RAD51AP2: variants seen among roughly 807,000 people sequenced by gnomAD.
The protein encoded by RAD51AP2 is RAD51 associated protein 2.
RAD51AP2 carries 67 observed loss-of-function variants against 85.5 expected under a neutral mutation model. The observed-to-expected ratio is 0.78, with a 90% CI of 0.64 to 0.96. The LOEUF is 0.96. Among genes scored for constraint, RAD51AP2 ranks in the 40% least tolerant of loss-of-function variants. The probability of loss-of-function intolerance (pLI) is 0.00; values close to 1 mark genes in which losing one functional copy is unlikely to be tolerated. For synonymous variants in RAD51AP2, 474 were observed against 446.5 expected, an observed-to-expected ratio of 1.06 and a Z score of -0.78; for missense variants, 1,307 against 1,332.4, an observed-to-expected ratio of 0.98 and a Z score of 0.30.
upstream of RAD51AP2, among the ~76,000 whole-genome samples, chr2:17,523,423 T>C (rs970026224): frequency 5.3e-5 from 8 of 151,762 alleles, no homozygotes; most frequent in Non-Finnish European, 1.2e-4. Flanking sequence ...AGATCAGAGC[T>C]TTTTTTTCTA....
the RAD51AP2 span, among the ~76,000 whole-genome samples, chr2:17,526,728 T>C: frequency 1.8e-3 from 269 of 152,192 alleles, no homozygotes; most frequent in East Asian, 1.7e-3. Flanking sequence ...TGTAGCATCA[T>C]TCACCACTAA....
chr2:17,521,637 TA>T (rs1211501406), upstream of RAD51AP2, among the ~76,000 whole-genome samples: 1 of 151,988 alleles, frequency 6.6e-6, no homozygotes, highest in Non-Finnish European at 1.5e-5. Context: ...TGATAAGCAC[TA>T]GGGGAAAATA....
At chr2:17,537,777 T>A in the RAD51AP2 span, among the ~76,000 whole-genome samples, 1 of 152,306 alleles carries the variant, frequency 6.6e-6, no homozygotes, top group African/African-American at 2.4e-5. Flanking sequence ...TGGTATTGTT[T>A]GTTTGTTTGA....
Position 17,517,720 on chromosome 2 carries a change from T to G in RAD51AP2, c.696A>C (p.Leu232=). The change falls in exon 1 of 3, where the codon CTA becomes CTC. Residue 232 remains leucine, a synonymous_variant. Coordinates refer to ENST00000399080, the MANE Select transcript of RAD51AP2 (RefSeq NM_001099218.3). ...GCTGGTTTTGAGATTTTGATATTTT[T>G]AGTACAGATGATGAAATGTTATTTT... is the stretch of plus-strand genomic sequence containing the variant. ...KRENNISSSV[L]KISKSQNQPS... 6.2e-7 allele frequency: 1 copy of G among 1,613,624 alleles called. No individual in the cohort carries two copies. The highest frequency in any genetic ancestry group is 8.5e-7 in the Non-Finnish European group (1 of 1,179,898).
At chr2:17,528,571 G>A in the RAD51AP2 span, among the ~76,000 whole-genome samples, 334 of 152,214 alleles carry the variant, frequency 2.2e-3, 3 homozygotes, top group African/African-American at 5.9e-3. Flanking sequence ...AGATAGGCAC[G>A]GTGGTTCACG....
chr2:17,519,520 C>T (rs1436934152), upstream of RAD51AP2, among the ~76,000 whole-genome samples: 2 of 152,076 alleles, frequency 1.3e-5, no homozygotes, highest in Non-Finnish European at 2.9e-5. Flanking sequence ...AACCAGAATC[C>T]TAACTTCAGA....
At chr2:17,533,552 C>T in the RAD51AP2 span, among the ~76,000 whole-genome samples, 51 of 152,282 alleles carry the variant, frequency 3.3e-4, 1 homozygote, top group Non-Finnish European at 6.2e-4. Context: ...AAAAACTTTT[C>T]TTCCAATTCT....
rs763383317 is a variant in RAD51AP2, at chr2:17,516,832, A to G, written c.1584T>C (p.Ser528=). 6.5e-7 allele frequency: 1 copy of G among 1,545,626 alleles called. No homozygotes were observed. The highest frequency in any genetic ancestry group is 2.3e-5 in the East Asian group (1 of 43,378). Residue 528 remains serine, a synonymous_variant, in exon 1 of 3, where the codon AGT becomes AGC. Coordinates refer to ENST00000399080, the MANE Select transcript of RAD51AP2 (RefSeq NM_001099218.3). The part of the protein sequence containing the change: ...KSISGNKKDN[S]ILTCCNILKC... ...TCAAAATGTTACAGCAGGTTAAAAT[A>G]CTATTATCTTTTTTATTTCCTGAAA...
upstream of RAD51AP2, among the ~76,000 whole-genome samples, chr2:17,522,260 C>T (rs1031859182): frequency 6.6e-6 from 1 of 151,974 alleles, no homozygotes; most frequent in Non-Finnish European, 1.5e-5. Flanking sequence ...ACACAACTTA[C>T]TTTCCTGCAG....
At position 17,516,829 on chromosome 2, in the gene RAD51AP2, A is replaced by G. The variant is rs576390249; in HGVS notation, c.1587T>C (p.Ile529=). The G allele has an allele frequency of 4.5e-6, 7 of 1,546,510 alleles. No homozygotes were observed. The highest frequency in any genetic ancestry group is 6.1e-6 in the Non-Finnish European group (7 of 1,146,320). The part of the protein sequence containing the change: ...SISGNKKDNS[I]LTCCNILKCK... ...ACTTCAAAATGTTACAGCAGGTTAA[A>G]ATACTATTATCTTTTTTATTTCCTG... The change falls in exon 1 of 3, where the codon ATT becomes ATC. Residue 529 remains isoleucine, a synonymous_variant. Transcript: ENST00000399080.
chr2:17,530,474 G>A, the RAD51AP2 span, among the ~76,000 whole-genome samples: 14 of 151,402 alleles, frequency 9.2e-5, no homozygotes, highest in African/African-American at 3.4e-4. Flanking sequence ...CCAGCTATTC[G>A]GGAGGCTGAG....
chr2:17,515,284 G>C lies in RAD51AP2; in HGVS notation c.3132C>G (p.His1044Gln). 1.2e-6 allele frequency: 2 copies of C among 1,613,610 alleles called. No individual in the cohort carries two copies. The highest frequency in any genetic ancestry group is 1.3e-5 in the African/African-American group (1 of 74,976). Reference sequence around the variant, plus strand: ...CAGTTTTCCATTTAAATAAACTTTGGTGACTTTTGCCCATATTAGGACCTG... The same window carrying C: ...CAGTTTTCCATTTAAATAAACTTTGCTGACTTTTGCCCATATTAGGACCTG... ...TIAGPNMGKS[H>Q]QSLFKWKTVP... Residue 1044 changes from histidine (H) to glutamine (Q), a missense_variant, in exon 1 of 3, where the codon CAC becomes CAG. By Grantham distance (24) the His-to-Gln change is conservative. Transcript: ENST00000399080.
At chr2:17,518,536 T>A (rs896643144), upstream of RAD51AP2, 31 of 1,331,548 alleles carry the variant, frequency 2.3e-5, no homozygotes, top group Admixed American at 4.8e-5. Context: ...TAGCCTAATC[T>A]CAGGGTTTGC....
At chr2:17,523,019 A>T (rs150623832), upstream of RAD51AP2, among the ~76,000 whole-genome samples, 2 of 152,038 alleles carry the variant, frequency 1.3e-5, no homozygotes, top group Admixed American at 1.3e-4. Flanking sequence ...GAATCAAACT[A>T]AGTTTTTGAA....
chr2:17,512,948 C>T (rs62130397), intron 2 of RAD51AP2, among the ~76,000 whole-genome samples: 3,687 of 152,170 alleles, frequency 0.024, 45 homozygotes, highest in Middle Eastern at 0.054. Flanking sequence ...CTACTGATTA[C>T]GAGAATGCAG....
chr2:17,511,392 T>C (rs1662490956), intron 2 of RAD51AP2, among the ~76,000 whole-genome samples: 1 of 152,156 alleles, frequency 6.6e-6, no homozygotes, highest in Non-Finnish European at 1.5e-5. Context: ...ACAAATGCAC[T>C]CCATCTATTA....
At chr2:17,534,122 T>C in the RAD51AP2 span, among the ~76,000 whole-genome samples, 3 of 152,178 alleles carry the variant, frequency 2.0e-5, no homozygotes, top group Non-Finnish European at 4.4e-5. Flanking sequence ...TGAGGCAAAA[T>C]GTATAAATTT....
chr2:17,513,991 A>G (rs2103305609), intron 2 of RAD51AP2, 21 bp downstream of exon 2: 2 of 1,305,706 alleles, frequency 1.5e-6, no homozygotes, highest in South Asian at 2.4e-5. Context: ...AAGTTATCCT[A>G]AAAAGTAACC....
At chr2:17,519,152 G>T (rs1283127335), upstream of RAD51AP2, among the ~76,000 whole-genome samples, 4 of 151,852 alleles carry the variant, frequency 2.6e-5, no homozygotes, top group Admixed American at 2.6e-4. Context: ...AAATATTGTG[G>T]ATAAAATTAT....
Sources: allele counts gnomAD v4.1 joint callset (sites outside exome capture counted in the v4.1 genomes callset), GRCh38; gene constraint gnomAD v4.1.1; transcripts MANE v1.5; gene names NCBI Gene and HGNC (gene_info 2026-07-23, HGNC 2026-07-21).